Variants in LPAR1 observed in about 807,000 individuals in gnomAD.
LPAR1 encodes the protein LPA receptor 1.
A neutral mutation model predicts 23.8 loss-of-function variants in LPAR1; 5 were observed. That is an observed-to-expected ratio of 0.21 (90% CI 0.11 to 0.44). The LOEUF (loss-of-function observed/expected upper bound fraction) is 0.44, where lower values mean the gene tolerates loss of function less well. Ranked by LOEUF, LPAR1 falls within the 20% of genes least tolerant of loss-of-function variation. The pLI is 0.99. For missense variants in LPAR1, 311 were observed against 482.8 expected, an observed-to-expected ratio of 0.64 and a Z score of 3.33; for synonymous variants, 160 against 164.7, an observed-to-expected ratio of 0.97 and a Z score of 0.22.
intron 2 of LPAR1, among the ~76,000 whole-genome samples, chr9:111,012,968 T>C (rs1045132421): frequency 2.0e-5 from 3 of 152,044 alleles, no homozygotes; most frequent in African/African-American, 7.3e-5. Context: ...ATTTTCAAAT[T>C]TTCTTCTGTT....
At chr9:110,982,599 C>T (rs539479828) in intron 2 of LPAR1, among the ~76,000 whole-genome samples, 25 of 151,716 alleles carry the variant, frequency 1.6e-4, no homozygotes, top group African/African-American at 6.0e-4. Flanking sequence ...ATGTTGTGCA[C>T]ATGTACCCCA....
chr9:111,025,386 T>A (rs1441629203), intron 2 of LPAR1, among the ~76,000 whole-genome samples: 2 of 152,192 alleles, frequency 1.3e-5, no homozygotes, highest in African/African-American at 4.8e-5. Context: ...GCCCACGTTT[T>A]GATGGAGTTC....
chr9:110,936,781 TC>T (rs1156400803), intron 5 of LPAR1, among the ~76,000 whole-genome samples: 1 of 152,178 alleles, frequency 6.6e-6, no homozygotes, highest in Non-Finnish European at 1.5e-5. Flanking sequence ...AAACTTCACA[TC>T]TTAACCATGA....
intron 5 of LPAR1, among the ~76,000 whole-genome samples, chr9:110,923,643 G>A (rs1008573339): frequency 6.6e-6 from 1 of 152,202 alleles, no homozygotes; most frequent in Non-Finnish European, 1.5e-5. Flanking sequence ...CGCTAAGTCA[G>A]GAAACATTTG....
chr9:110,957,222 T>C (rs543379323), intron 4 of LPAR1, among the ~76,000 whole-genome samples: 57 of 150,746 alleles, frequency 3.8e-4, no homozygotes, highest in African/African-American at 1.3e-3. Context: ...AAAGGCATAG[T>C]AGTGCGCACC....
chr9:111,007,751 G>A (rs2097249810), intron 2 of LPAR1, among the ~76,000 whole-genome samples: 1 of 152,134 alleles, frequency 6.6e-6, no homozygotes, highest in Admixed American at 6.6e-5. Context: ...CTTTGACCTA[G>A]CAATCCTACT....
chr9:110,976,692 T>A (rs1475159900), intron 2 of LPAR1, among the ~76,000 whole-genome samples: 1 of 152,174 alleles, frequency 6.6e-6, no homozygotes, highest in Non-Finnish European at 1.5e-5. Flanking sequence ...GCATTACTGC[T>A]GCCTCTTCTC....
chr9:111,035,594 T>C (rs2097879302), intron 2 of LPAR1, among the ~76,000 whole-genome samples: 1 of 152,204 alleles, frequency 6.6e-6, no homozygotes, highest in Non-Finnish European at 1.5e-5. Flanking sequence ...GATGCTGACT[T>C]AAGGCCAGAG....
At chr9:111,027,210 C>CCA (rs1401000773) in intron 2 of LPAR1, among the ~76,000 whole-genome samples, 1 of 151,938 alleles carries the variant, frequency 6.6e-6, no homozygotes, top group African/African-American at 2.4e-5. Context: ...TCAGAACGCT[C>CCA]CACCCCAAAT....
chr9:110,905,191 T>G (rs565091254), intron 5 of LPAR1, among the ~76,000 whole-genome samples: 5 of 152,332 alleles, frequency 3.3e-5, no homozygotes, highest in African/African-American at 1.2e-4. Context: ...CTTAACATGC[T>G]CTCACTTCTT....
chr9:110,961,617 CAAAAAAAA>C (rs57773067), intron 4 of LPAR1, among the ~76,000 whole-genome samples: 5 of 79,862 alleles, frequency 6.3e-5, no homozygotes, highest in Non-Finnish European at 1.2e-4. Context: ...GAGACTATCT[CAAAAAAAA>C]AAAAAAAAAA....
chr9:111,015,461 C>T (rs185348978), intron 2 of LPAR1, among the ~76,000 whole-genome samples: 8 of 152,198 alleles, frequency 5.3e-5, no homozygotes, highest in East Asian at 1.9e-4. Flanking sequence ...CAGTACTATA[C>T]GATCTCAACT....
intron 4 of LPAR1, among the ~76,000 whole-genome samples, chr9:110,949,683 A>C (rs1376176125): frequency 6.6e-6 from 1 of 152,244 alleles, no homozygotes; most frequent in Non-Finnish European, 1.5e-5. Context: ...GAGAGTAAGA[A>C]CAACATGAAT....
chr9:110,885,668 G>A (rs540268352), intron 5 of LPAR1, among the ~76,000 whole-genome samples: 55 of 152,304 alleles, frequency 3.6e-4, no homozygotes, highest in South Asian at 8.3e-4. Context: ...AAACAATACA[G>A]TCTAAACCTT....
intron 2 of LPAR1, among the ~76,000 whole-genome samples, chr9:111,028,114 T>A (rs771049568): frequency 6.1e-4 from 93 of 151,522 alleles, no homozygotes; most frequent in Non-Finnish European, 1.2e-3. Context: ...CAAGAAATTA[T>A]CCCAAAATGG....
intron 2 of LPAR1, among the ~76,000 whole-genome samples, chr9:110,999,722 G>C (rs968976499): frequency 6.6e-6 from 1 of 152,100 alleles, no homozygotes; most frequent in Non-Finnish European, 1.5e-5. Context: ...AAACTCCTAA[G>C]AGCATGTTAG....
chr9:110,944,981 A>G (rs1302536640), intron 4 of LPAR1, among the ~76,000 whole-genome samples: 3 of 152,218 alleles, frequency 2.0e-5, no homozygotes, highest in Non-Finnish European at 4.4e-5. Flanking sequence ...AAATATTGAA[A>G]GAGTAGAAAA....
intron 4 of LPAR1, among the ~76,000 whole-genome samples, chr9:110,961,617 C>CAAAAAAAAAAAAAAAA (rs57773067): frequency 7.5e-5 from 6 of 79,846 alleles, no homozygotes; most frequent in Non-Finnish European, 9.6e-5. Context: ...GAGACTATCT[C>CAAAAAAAAAAAAAAAA]AAAAAAAAAA....
chr9:110,922,824 A>ATATGAT (rs1554786502), intron 5 of LPAR1, among the ~76,000 whole-genome samples: 15 of 142,240 alleles, frequency 1.1e-4, no homozygotes, highest in Non-Finnish European at 1.8e-4. Flanking sequence ...TCTTATTATT[A>ATATGAT]TATTATTATT....
Sources: gnomAD v4.1 joint callset for allele counts (sites outside exome capture counted in the v4.1 genomes callset) on GRCh38, gnomAD v4.1.1 for gene constraint, MANE v1.5 for transcripts, NCBI Gene and HGNC (gene_info 2026-07-23, HGNC 2026-07-21) for gene names.